PRDM15: variants seen among roughly 807,000 people sequenced by gnomAD.
PRDM15 encodes the protein PR/SET domain 15.
PRDM15 carries 64 observed loss-of-function variants against 128.6 expected under a neutral mutation model. The observed-to-expected ratio is 0.50, with a 90% CI of 0.41 to 0.61. The LOEUF (loss-of-function observed/expected upper bound fraction) is 0.61. PRDM15 is among the 20% of genes least tolerant of loss of function. PRDM15 has a pLI of 0.00. For missense variants in PRDM15, 1,242 were observed against 1,569.1 expected (o/e 0.79, Z 3.52); for synonymous variants, 615 against 621.8 (o/e 0.99, Z 0.16).
In PRDM15 at chr21:41,819,660, C is replaced by A; in HGVS notation, c.2182G>T (p.Ala728Ser). Residue 728 changes from alanine (A) to serine (S), a missense_variant, in exon 18 of 24, where the codon GCC (alanine) becomes TCC (serine). Physicochemically the swap from Ala to Ser is moderately conservative, Grantham distance 99. Around this residue, in one of 3 missense-constraint regions of PRDM15, gnomAD observed 602 missense variants for 788.3 expected, o/e 0.76. Transcript: ENST00000398548. Reference sequence around the variant, plus strand: ...TGCTCCTTCAGCATGTCCTTCCTGGCAAAGGACTTCCCACACTGCTCGCAG... The same window carrying A: ...TGCTCCTTCAGCATGTCCTTCCTGGAAAAGGACTTCCCACACTGCTCGCAG... Reference protein sequence around the residue: ...HACEQCGKSFARKDMLKEHMR... With the variant: ...HACEQCGKSFSRKDMLKEHMR... The A allele has an allele frequency of 6.2e-7, 1 of 1,609,976 alleles. No individual in the cohort carries two copies.
chr21:41,865,562 C>A (rs2063979463), intron 1 of PRDM15, among the ~76,000 whole-genome samples: 1 of 152,178 alleles, frequency 6.6e-6, no homozygotes, highest in Non-Finnish European at 1.5e-5. Flanking sequence ...CACTTCCCCT[C>A]AGTCCACCAT....
intron 6 of PRDM15, among the ~76,000 whole-genome samples, chr21:41,840,308 T>C (rs2063034252): frequency 6.6e-6 from 1 of 151,762 alleles, no homozygotes; most frequent in Non-Finnish European, 1.5e-5. Context: ...TAGCCGGGTG[T>C]GGTGGTGTGT....
rs2063739166 is a variant in PRDM15 at position 41,859,309 on chromosome 21, A to G, written c.131+283T>C. On this transcript the variant is annotated intron_variant, in intron 3 of 23. Coordinates refer to ENST00000398548, the MANE Select transcript of PRDM15 (RefSeq NM_001040424.3). This position sits in a 1 kb window ranked among gnomAD's most constrained non-coding sequence, Gnocchi z 5.3. Reference sequence around the variant, plus strand: ...GCACGTCAACCACCTTGGCAAGTCCACTCTTCTGCAGCCTCCACACACTGT... The same window carrying G: ...GCACGTCAACCACCTTGGCAAGTCCGCTCTTCTGCAGCCTCCACACACTGT... 8.5e-6 allele frequency: 11 copies of G among 1,288,898 alleles called. No homozygotes were observed. Among genetic ancestry groups the G allele is most frequent in the African/African-American group, 4.3e-5 (3 of 69,044 alleles). The allele number at this position is 1,288,898 out of a possible 1,614,324, so 79.8% of individuals were successfully genotyped here.
intron 21 of PRDM15, among the ~76,000 whole-genome samples, chr21:41,806,439 CCATCACCACCACCCATCA>C: frequency 2.6e-5 from 1 of 37,780 alleles, no homozygotes; most frequent in Non-Finnish European, 5.5e-5. Flanking sequence ...ACCACCACCA[CCATCACCACCACCCATCA>C]CCATCACCAC....
At chr21:41,871,379 G>T in intron 1 of PRDM15, 1 of 383,774 alleles carries the variant, frequency 2.6e-6, no homozygotes, top group Non-Finnish European at 3.6e-6. Context: ...CTCTGCCTCT[G>T]CCTGGGGTCA....
chr21:41,843,174 CCTTA>C (rs1845056530), intron 6 of PRDM15, among the ~76,000 whole-genome samples: 1 of 151,928 alleles, frequency 6.6e-6, no homozygotes, highest in Non-Finnish European at 1.5e-5. Flanking sequence ...TTAATTAATG[CCTTA>C]CTTTTTATTA....
At position 41,879,118 on chromosome 21, in the gene PRDM15, G is replaced by C; in HGVS notation, c.-10+152C>G. The C allele has an allele frequency of 1.9e-6, 2 of 1,058,754 alleles. No homozygotes were observed. Among genetic ancestry groups the C allele is most frequent in the South Asian group, 5.8e-5 (2 of 34,204 alleles). The allele number at this position is 1,058,754 out of a possible 1,614,324, so 65.6% of individuals were successfully genotyped here. A position where few individuals can be genotyped will look rare whatever the true frequency, so the allele number is the denominator to read the frequency against. On this transcript the variant is annotated intron_variant, in intron 1 of 23. Transcript: ENST00000398548. The surrounding 1 kb of genome is among the most constrained non-coding windows in gnomAD (Gnocchi z 5.1). ...TGTAACAAAGAACAGTCGGCATGGCGGCTGGACCGGGGCGGCGCGCGGCTG... is the reference window on the plus strand; with the variant it reads ...TGTAACAAAGAACAGTCGGCATGGCCGCTGGACCGGGGCGGCGCGCGGCTG...
chr21:41,847,340 C>T, intron 5 of PRDM15, 149 bp from the exon 6 acceptor site: 2 of 587,378 alleles, frequency 3.4e-6, no homozygotes, highest in South Asian at 4.3e-5. Context: ...CTCCACATGA[C>T]AGACACCATT....
intron 5 of PRDM15, 27 bp from the exon 6 acceptor site, chr21:41,847,218 G>A (rs1036998212): frequency 2.1e-5 from 31 of 1,498,530 alleles, no homozygotes; most frequent in Non-Finnish European, 2.7e-5. Context: ...AGGAGAAAAA[G>A]GTGACCCCCA....
intron 6 of PRDM15, among the ~76,000 whole-genome samples, chr21:41,840,751 A>G (rs573701962): frequency 3.9e-5 from 6 of 152,270 alleles, no homozygotes; most frequent in African/African-American, 1.2e-4. Flanking sequence ...AAACTGGGGG[A>G]AAATACATTT....
At chr21:41,827,351 T>C (rs1601243459) in intron 12 of PRDM15, among the ~76,000 whole-genome samples, 2 of 152,294 alleles carry the variant, frequency 1.3e-5, no homozygotes, top group Middle Eastern at 3.4e-3. Context: ...ATGGTTATAC[T>C]TCATTTTTTA....
At chr21:41,814,398 A>C (rs1267882362) in intron 19 of PRDM15, 1 of 46,294 alleles carries the variant, frequency 2.2e-5, no homozygotes, top group East Asian at 6.3e-4. Context: ...TAGTGTTTTG[A>C]GAATGCCTTG....
intron 16 of PRDM15, among the ~76,000 whole-genome samples, chr21:41,820,425 T>A (rs920844786): frequency 6.6e-6 from 1 of 152,108 alleles, no homozygotes; most frequent in African/African-American, 2.4e-5. Context: ...GGTGATTACA[T>A]GGAAAAGAGG....
chr21:41,855,420 G>A (rs1430996977), intron 4 of PRDM15, among the ~76,000 whole-genome samples: 1 of 152,194 alleles, frequency 6.6e-6, no homozygotes, highest in Non-Finnish European at 1.5e-5. Flanking sequence ...CATGACTATA[G>A]GAGGGTTTTG....
chr21:41,809,134 A>C (rs28550700), intron 21 of PRDM15, among the ~76,000 whole-genome samples: 8 of 151,658 alleles, frequency 5.3e-5, no homozygotes, highest in African/African-American at 1.9e-4. Context: ...CTCCGTGTAC[A>C]CCCTGAGTGC....
rs1326854506 is a variant in PRDM15, at chr21:41,871,785, C to T, written c.-10+7485G>A. ...GGTTGCTGCTCCTCCAGACCTGCTG[C>T]GTTTCATCACCTCTCCAGCACCCAG... On this transcript the variant is annotated intron_variant, in intron 1 of 23. Coordinates refer to ENST00000398548, the MANE Select transcript of PRDM15 (RefSeq NM_001040424.3). The T allele has an allele frequency of 8.5e-5, 60 of 704,162 alleles. No individual in the cohort carries two copies. The South Asian group carries it at 8.9e-4, about 10-fold the overall frequency. 43.6% of individuals were successfully genotyped at this position (704,162 alleles called of 1,614,324 possible). A position where few individuals can be genotyped will look rare whatever the true frequency, so the allele number is the denominator to read the frequency against.
chr21:41,801,282 C>T lies in PRDM15; in HGVS notation c.3384G>A (p.Gln1128=). 1.9e-6 allele frequency: 3 copies of T among 1,548,396 alleles called. No homozygotes were observed. Among genetic ancestry groups the T allele is most frequent in the East Asian group, 4.5e-5 (2 of 44,336 alleles). ...QAPPQQAAQP[Q]VQAEQQQQQM... ...GCTGCTGCTGCTGCTCCGCCTGCAC[C>T]TGGGGCTGGGCCGCCTGCTGTGGGG... The change falls in exon 24 of 24, where the codon CAG becomes CAA. Residue 1128 remains glutamine (Q), a synonymous_variant. Coordinates refer to ENST00000398548, the MANE Select transcript of PRDM15 (RefSeq NM_001040424.3).
At position 41,800,085 on chromosome 21, in the gene PRDM15, G is replaced by C. The variant is rs568873221; in HGVS notation, c.*1155C>G. The C allele has an allele frequency of 6.6e-6, 1 of 152,344 alleles. No individual in the cohort carries two copies. Among genetic ancestry groups the C allele is most frequent in the South Asian group, 2.1e-4 (1 of 4,832 alleles). The allele number at this position is 152,344 out of a possible 1,614,324, so 9.4% of individuals were successfully genotyped here. The stretch of plus-strand genomic sequence containing the variant: ...TTTCATTACCACCTGGCAGGAAATA[G>C]CATTTTCTCTGTGTTTCAGAAATAC... On this transcript the variant is annotated 3_prime_UTR_variant, in exon 24 of 24. Coordinates refer to ENST00000398548, the MANE Select transcript of PRDM15 (RefSeq NM_001040424.3).
At chr21:41,820,019 G>A (rs1435174244) in intron 17 of PRDM15, 76 bp downstream of exon 17, 10 of 1,239,416 alleles carry the variant, frequency 8.1e-6, no homozygotes, top group East Asian at 2.3e-5. Context: ...TGTAGAATAC[G>A]CGGAGACCCC....
Sources: allele counts gnomAD v4.1 joint callset (sites outside exome capture counted in the v4.1 genomes callset), GRCh38; gene constraint gnomAD v4.1.1; regional missense constraint gnomAD v4.1.1; non-coding constraint Gnocchi (gnomAD v3.1); transcripts MANE v1.5; gene names NCBI Gene and HGNC (gene_info 2026-07-23, HGNC 2026-07-21).